Variants in TRPM3 observed in about 807,000 individuals in gnomAD.
TRPM3 encodes transient receptor potential cation channel subfamily M member 3.
In TRPM3, 77 loss-of-function variants were observed where a neutral mutation model predicts 181.2. The observed-to-expected ratio is 0.42, with a 90% confidence interval of 0.35 to 0.51. TRPM3 has a LOEUF of 0.51. Among genes scored for constraint, TRPM3 ranks in the 20% least tolerant of loss-of-function variants. The pLI is 0.01. For missense variants in TRPM3, 1,759 were observed against 2,196.7 expected (o/e 0.80, Z 3.98); for synonymous variants, 745 against 796.4 (o/e 0.94, Z 1.09).
intron 1 of TRPM3, among the ~76,000 whole-genome samples, chr9:70,997,122 C>G (rs1214011897): frequency 6.6e-6 from 1 of 152,200 alleles, no homozygotes; most frequent in East Asian, 1.9e-4. Context: ...TGATTTATAA[C>G]TTCAGAAATG....
At chr9:70,597,256 T>C (rs549017362) in intron 21 of TRPM3, among the ~76,000 whole-genome samples, 3 of 152,028 alleles carry the variant, frequency 2.0e-5, no homozygotes, top group Admixed American at 6.5e-5. Context: ...AGTTTTTGTA[T>C]CACCAGTGTC....
intron 1 of TRPM3, among the ~76,000 whole-genome samples, chr9:71,434,867 CTT>C (rs1226345605): frequency 1.3e-5 from 2 of 152,014 alleles, no homozygotes; most frequent in African/African-American, 4.8e-5. Context: ...AAAGGAGACA[CTT>C]TTATCAAAAA....
chr9:71,237,044 C>CAAAAAAAAAA, intron 1 of TRPM3, among the ~76,000 whole-genome samples: 1 of 92,772 alleles, frequency 1.1e-5, no homozygotes, highest in Non-Finnish European at 2.0e-5. Flanking sequence ...AAGACTCCAT[C>CAAAAAAAAAA]AAAAAAAAAA....
intron 1 of TRPM3, among the ~76,000 whole-genome samples, chr9:71,140,356 C>T (rs1888077): frequency 0.21 from 32,074 of 151,948 alleles, 4,002 homozygotes; most frequent in East Asian, 0.31. Flanking sequence ...ACCATATCTC[C>T]GGTGTTTTAA....
At chr9:70,939,524 G>T (rs2096864599) in intron 1 of TRPM3, among the ~76,000 whole-genome samples, 1 of 152,176 alleles carries the variant, frequency 6.6e-6, no homozygotes, top group African/African-American at 2.4e-5. Context: ...TCAAGGAACA[G>T]TTTCTTGAGA....
chr9:71,362,103 C>T (rs1440669752), intron 1 of TRPM3, among the ~76,000 whole-genome samples: 1 of 152,154 alleles, frequency 6.6e-6, no homozygotes, highest in Admixed American at 6.6e-5. Context: ...CTCCCTTTAC[C>T]ACACTAATCA....
chr9:71,002,696 T>C (rs2097621382), intron 1 of TRPM3, among the ~76,000 whole-genome samples: 1 of 152,182 alleles, frequency 6.6e-6, no homozygotes, highest in South Asian at 2.1e-4. Flanking sequence ...AAATCCAAAT[T>C]CTAATGAATT....
intron 1 of TRPM3, among the ~76,000 whole-genome samples, chr9:71,304,804 C>CG (rs1474227625): frequency 1.3e-5 from 2 of 152,118 alleles, no homozygotes; most frequent in African/African-American, 4.8e-5. Context: ...CATGTATAGA[C>CG]GGAACAGATT....
chr9:71,044,158 AC>A (rs1328612402), intron 1 of TRPM3, among the ~76,000 whole-genome samples: 1 of 152,092 alleles, frequency 6.6e-6, no homozygotes, highest in Non-Finnish European at 1.5e-5. Flanking sequence ...TAGTCACAAG[AC>A]TTTTAAAATT....
chr9:71,081,823 C>G (rs992024286), intron 1 of TRPM3, among the ~76,000 whole-genome samples: 4 of 152,126 alleles, frequency 2.6e-5, no homozygotes, highest in African/African-American at 9.7e-5. Flanking sequence ...TTAAGCAATT[C>G]TAATGAAAGT....
chr9:71,339,023 G>A (rs757634395), intron 1 of TRPM3, among the ~76,000 whole-genome samples: 7 of 152,018 alleles, frequency 4.6e-5, no homozygotes, highest in Non-Finnish European at 1.0e-4. Context: ...AGATAATGTA[G>A]CAGATATAAA....
At chr9:71,306,379 A>G (rs2087321873) in intron 1 of TRPM3, among the ~76,000 whole-genome samples, 1 of 152,110 alleles carries the variant, frequency 6.6e-6, no homozygotes, top group Non-Finnish European at 1.5e-5. Flanking sequence ...GGGTTGAATG[A>G]GGTGCTTTCC....
exon 1 of TRPM3, chr9:71,446,735 C>T (rs1196310284): frequency 6.4e-7 from 1 of 1,550,462 alleles, no homozygotes; most frequent in Non-Finnish European, 8.7e-7. Flanking sequence ...GGCAAACCTG[C>T]CCCGGCTGGC....
chr9:70,805,072 T>C (rs2090327562), intron 6 of TRPM3, among the ~76,000 whole-genome samples: 1 of 152,138 alleles, frequency 6.6e-6, no homozygotes, highest in African/African-American at 2.4e-5. Context: ...TGGACAATTA[T>C]TTTATCAGTG....
At chr9:71,007,562 G>C (rs1368262026) in intron 1 of TRPM3, among the ~76,000 whole-genome samples, 1 of 152,094 alleles carries the variant, frequency 6.6e-6, no homozygotes, top group African/African-American at 2.4e-5. Flanking sequence ...TCAATAACAG[G>C]AGGAATGTTA....
chr9:70,745,600 A>G (rs980518057), intron 8 of TRPM3, among the ~76,000 whole-genome samples: 4 of 152,170 alleles, frequency 2.6e-5, no homozygotes, highest in Non-Finnish European at 5.9e-5. Flanking sequence ...TTGGAGAAAA[A>G]ACTTTTCTAA....
At chr9:71,219,429 G>A (rs1475330298) in intron 1 of TRPM3, among the ~76,000 whole-genome samples, 1 of 152,136 alleles carries the variant, frequency 6.6e-6, no homozygotes, top group Non-Finnish European at 1.5e-5. Context: ...GTTTTTAAGT[G>A]ATAAAATCAA....
At chr9:70,989,095 T>G (rs960948917) in intron 1 of TRPM3, among the ~76,000 whole-genome samples, 1 of 152,158 alleles carries the variant, frequency 6.6e-6, no homozygotes, top group African/African-American at 2.4e-5. Flanking sequence ...GGCATTGTCT[T>G]AAGTTTCTAA....
At chr9:71,426,829 A>C (rs1222629312) in intron 1 of TRPM3, among the ~76,000 whole-genome samples, 1 of 152,176 alleles carries the variant, frequency 6.6e-6, no homozygotes, top group Non-Finnish European at 1.5e-5. Context: ...GACCAAAAAA[A>C]AAAAATTCAG....
Sources: allele counts gnomAD v4.1 joint callset (sites outside exome capture counted in the v4.1 genomes callset), GRCh38; gene constraint gnomAD v4.1.1; transcripts MANE v1.5; gene names NCBI Gene and HGNC (gene_info 2026-07-23, HGNC 2026-07-21).